NCKAP5: variants seen among roughly 807,000 people sequenced by gnomAD.
The protein encoded by NCKAP5 is nck-associated protein 5.
A neutral mutation model predicts 167.0 loss-of-function variants in NCKAP5; 92 were observed. The ratio of observed to expected loss-of-function variants is 0.55; its 90% confidence interval spans 0.47 to 0.66. The LOEUF (loss-of-function observed/expected upper bound fraction) is 0.66, where lower values mean the gene tolerates loss of function less well. Among genes scored for constraint, NCKAP5 ranks in the 30% least tolerant of loss-of-function variants. The probability of loss-of-function intolerance (pLI) is 0.00; values close to 1 mark genes in which losing one functional copy is unlikely to be tolerated. For synonymous variants in NCKAP5, 891 were observed against 877.4 expected (o/e 1.02, Z -0.27); for missense variants, 2,378 against 2,315.0 (o/e 1.03, Z -0.56).
chr2:133,654,143 G>A, the NCKAP5 span, among the ~76,000 whole-genome samples: 12 of 152,004 alleles, frequency 7.9e-5, no homozygotes, highest in Non-Finnish European at 1.3e-4. Context: ...CAGCACTTTG[G>A]GAGGCCGAGG....
At chr2:133,250,186 T>A (rs1394043873) in intron 4 of NCKAP5, among the ~76,000 whole-genome samples, 4 of 151,990 alleles carry the variant, frequency 2.6e-5, no homozygotes, top group African/African-American at 9.7e-5. Context: ...TGAACAGATA[T>A]TCCCCAGGAA....
intron 10 of NCKAP5, among the ~76,000 whole-genome samples, chr2:132,860,975 A>G (rs1451786255): frequency 2.0e-5 from 3 of 152,206 alleles, no homozygotes; most frequent in Admixed American, 6.5e-5. Flanking sequence ...AAGGACAACA[A>G]CAGTGTTTCT....
intron 4 of NCKAP5, among the ~76,000 whole-genome samples, chr2:133,234,720 C>T (rs1287409408): frequency 6.6e-6 from 1 of 151,830 alleles, no homozygotes; most frequent in Non-Finnish European, 1.5e-5. Context: ...TGTAGTTCAT[C>T]CTAGAGGGTG....
intron 6 of NCKAP5, among the ~76,000 whole-genome samples, chr2:133,037,556 T>C (rs959546992): frequency 6.6e-6 from 1 of 152,100 alleles, no homozygotes; most frequent in African/African-American, 2.4e-5. Flanking sequence ...AAAAAAACTG[T>C]GTCTTCAATA....
chr2:132,765,952 A>T (rs182569993), intron 16 of NCKAP5, among the ~76,000 whole-genome samples: 1 of 152,094 alleles, frequency 6.6e-6, no homozygotes, highest in African/African-American at 2.4e-5. Flanking sequence ...TTCAACAATC[A>T]TCCTAGACCA....
intron 11 of NCKAP5, among the ~76,000 whole-genome samples, chr2:132,830,859 A>C (rs1687472530): frequency 6.6e-6 from 1 of 152,182 alleles, no homozygotes; most frequent in Non-Finnish European, 1.5e-5. Context: ...GATAATGTAA[A>C]AGTGTATATA....
intron 6 of NCKAP5, among the ~76,000 whole-genome samples, chr2:132,999,397 C>G (rs751853399): frequency 1.3e-5 from 2 of 152,164 alleles, no homozygotes; most frequent in Non-Finnish European, 2.9e-5. Context: ...CTCCCAGTTC[C>G]CAGGGGACCA....
intron 6 of NCKAP5, among the ~76,000 whole-genome samples, chr2:133,046,062 C>T (rs1227028021): frequency 6.6e-6 from 1 of 152,154 alleles, no homozygotes; most frequent in East Asian, 1.9e-4. Context: ...GGTGAGAAAT[C>T]TCATCAAGCT....
chr2:133,109,058 C>T (rs1224814471), intron 6 of NCKAP5, among the ~76,000 whole-genome samples: 1 of 152,154 alleles, frequency 6.6e-6, no homozygotes, highest in East Asian at 1.9e-4. Context: ...CATTCCCTCT[C>T]GGGCTAATTT....
intron 3 of NCKAP5, among the ~76,000 whole-genome samples, chr2:133,387,184 T>A (rs1449641106): frequency 6.6e-6 from 1 of 152,174 alleles, no homozygotes; most frequent in Admixed American, 6.6e-5. Flanking sequence ...TGGCTGGTAC[T>A]GGTTGTTCCT....
the NCKAP5 span, among the ~76,000 whole-genome samples, chr2:133,612,014 T>C: frequency 6.6e-6 from 1 of 152,180 alleles, no homozygotes; most frequent in Non-Finnish European, 1.5e-5. Flanking sequence ...GTCAGGTAGG[T>C]ATACTGTTAA....
rs375710595 is a variant in NCKAP5 at position 132,860,506 on chromosome 2, C to T, written c.793G>A (p.Asp265Asn). The T allele has an allele frequency of 6.9e-5, 109 of 1,577,116 alleles. No homozygotes were observed. In the African/African-American group the frequency reaches 1.2e-3, roughly 18 times the overall value. ...LFQQRVRPTS[D>N]LLLQKLHSRL... Reference sequence around the variant, plus strand: ...TAAACACATACCTGGAGGAGCAGATCAGAAGTGGGTCTGACTCGCTGTTGG... The same window carrying T: ...TAAACACATACCTGGAGGAGCAGATTAGAAGTGGGTCTGACTCGCTGTTGG... The change falls in exon 11 of 20, where the codon GAT becomes AAT. Residue 265 changes from aspartate to asparagine, a missense_variant. Physicochemically the swap from Asp to Asn is conservative, Grantham distance 23. Transcript: ENST00000409261.
intron 3 of NCKAP5, among the ~76,000 whole-genome samples, chr2:133,509,949 G>C (rs1324950265): frequency 6.6e-6 from 1 of 152,188 alleles, no homozygotes; most frequent in African/African-American, 2.4e-5. Flanking sequence ...TGGCTTCGAT[G>C]ACAGCCTGCC....
intron 2 of NCKAP5, among the ~76,000 whole-genome samples, chr2:133,529,432 T>C (rs970578399): frequency 1.3e-5 from 2 of 152,132 alleles, no homozygotes; most frequent in African/African-American, 4.8e-5. Context: ...TACAGCTTCA[T>C]AGTACTATAA....
intron 16 of NCKAP5, among the ~76,000 whole-genome samples, chr2:132,756,921 CA>C: frequency 6.6e-6 from 1 of 152,166 alleles, no homozygotes; most frequent in East Asian, 1.9e-4. Context: ...AATGGAGTTA[CA>C]GGCAGAGACG....
At chr2:132,722,520 T>C (rs763890136) in intron 19 of NCKAP5, among the ~76,000 whole-genome samples, 3 of 152,184 alleles carry the variant, frequency 2.0e-5, no homozygotes, top group Non-Finnish European at 1.5e-5. Flanking sequence ...CCTAGTCTTC[T>C]CTTGGGCTAC....
rs1690491154 is a variant in NCKAP5 at position 132,726,736 on chromosome 2, T to C, written c.5581-977A>G. ...TCAAGCACTCATTTCCTTTACTCTT[T>C]CATTCATTTACTTAGTCACCCATCC... On this transcript the variant is annotated intron_variant, in intron 18 of 19. Coordinates refer to ENST00000409261, the MANE Select transcript of NCKAP5 (RefSeq NM_207363.3). 1.3e-5 allele frequency among the ~76,000 whole-genome samples: 2 copies of C among 152,226 alleles called. 1 individual carries two copies. The highest frequency in any genetic ancestry group is 4.1e-4 in the South Asian group (2 of 4,828).
chr2:133,147,783 T>C (rs553523910), intron 5 of NCKAP5, among the ~76,000 whole-genome samples: 1 of 152,222 alleles, frequency 6.6e-6, no homozygotes, highest in South Asian at 2.1e-4. Context: ...TACATACATA[T>C]TTGATGAGCC....
At chr2:133,427,082 T>C (rs17746067) in intron 3 of NCKAP5, among the ~76,000 whole-genome samples, 6,647 of 152,252 alleles carry the variant, frequency 0.044, 213 homozygotes, top group Non-Finnish European at 0.06. Flanking sequence ...GAAGATATTC[T>C]AGCACAGGCA....
Sources: allele counts gnomAD v4.1 joint callset (sites outside exome capture counted in the v4.1 genomes callset), GRCh38; gene constraint gnomAD v4.1.1; transcripts MANE v1.5; gene names NCBI Gene and HGNC (gene_info 2026-07-23, HGNC 2026-07-21).